The following ASB18 variants were observed in gnomAD, a reference collection of about 807,000 sequenced individuals.
ASB18 encodes ankyrin repeat and SOCS box protein 18.
ASB18 carries 33 observed loss-of-function variants against 33.4 expected under a neutral mutation model. That is an observed-to-expected ratio of 0.99 (90% CI 0.75 to 1.32). The LOEUF is 1.32. Among genes scored for constraint, ASB18 ranks in the 40% most tolerant of loss-of-function variants. The pLI is 0.00. For synonymous variants in ASB18, 295 were observed against 307.6 expected, an observed-to-expected ratio of 0.96 and a Z score of 0.43; for missense variants, 694 against 655.5, an observed-to-expected ratio of 1.06 and a Z score of -0.64.
rs767846332 is a variant in ASB18 at position 236,241,211 on chromosome 2, C to G, written c.328+69G>C. 10 of 1,487,474 alleles carry G rather than the reference C, an allele frequency of 6.7e-6. No individual in the cohort carries two copies. Among genetic ancestry groups the G allele is most frequent in the Non-Finnish European group, 9.3e-6 (10 of 1,073,664 alleles). 92.1% of individuals were successfully genotyped at this position (1,487,474 alleles called of 1,614,324 possible). A position where few individuals can be genotyped will look rare whatever the true frequency, so the allele number is the denominator to read the frequency against. On this transcript the variant is annotated intron_variant, in intron 2 of 5. Coordinates refer to ENST00000409749, the MANE Select transcript of ASB18 (RefSeq NM_212556.4). This position sits in a 1 kb window ranked among gnomAD's most constrained non-coding sequence, Gnocchi z 4.2. ...ACTGTGCCCAGTCTACACACGGGAG[C>G]CTTACACTCCCAGAGAGTATTAGTA... is the stretch of plus-strand genomic sequence containing the variant.
In ASB18 at chr2:236,259,973, C is replaced by A. The variant is rs189604812; in HGVS notation, c.205+4168G>T. Among the ~76,000 whole-genome samples the A allele has an allele frequency of 1.3e-5, 2 of 151,944 alleles. No individual in the cohort carries two copies. The highest frequency in any genetic ancestry group is 4.8e-5 in the African/African-American group (2 of 41,364). ...CATTGGATGCCACTTTTTCTCTATG[C>A]TTTTTTTTGGTGATGTTGACATGGA... On this transcript the variant is annotated intron_variant, in intron 1 of 5. Coordinates refer to ENST00000409749, the MANE Select transcript of ASB18 (RefSeq NM_212556.4). The surrounding 1 kb of genome is among the most constrained non-coding windows in gnomAD (Gnocchi z 4.4).
intron 3 of ASB18, among the ~76,000 whole-genome samples, chr2:236,232,752 C>A (rs1414664202): frequency 6.6e-6 from 1 of 151,994 alleles, no homozygotes; most frequent in African/African-American, 2.4e-5. Context: ...AAGAAATAAT[C>A]TGAGTAGCCC....
In ASB18 at chr2:236,251,976, ATAG is replaced by A. The variant is rs1222736169; in HGVS notation, c.206-10577_206-10575del. ...AGGTACAAGAAGCTTACAGAAATAA[ATAG>A]TAGAAATCTGGCCGGGCATGGTGGC... is the stretch of plus-strand genomic sequence containing the variant. On this transcript the variant is annotated intron_variant, in intron 1 of 5. Coordinates refer to ENST00000409749, the MANE Select transcript of ASB18 (RefSeq NM_212556.4). The surrounding 1 kb of genome is among the most constrained non-coding windows in gnomAD (Gnocchi z 5.3). Among the ~76,000 whole-genome samples, 2 of 152,162 alleles carry A rather than the reference ATAG, an allele frequency of 1.3e-5. No individual in the cohort carries two copies. Among genetic ancestry groups the A allele is most frequent in the Non-Finnish European group, 2.9e-5 (2 of 68,042 alleles).
rs1401330703 is a variant in ASB18, at chr2:236,213,470, T to G, written c.1101+892A>C. Among the ~76,000 whole-genome samples the G allele has an allele frequency of 6.6e-6, 1 of 152,226 alleles. No individual in the cohort carries two copies. Among genetic ancestry groups the G allele is most frequent in the Non-Finnish European group, 1.5e-5 (1 of 68,050 alleles). On this transcript the variant is annotated intron_variant, in intron 4 of 5. Transcript: ENST00000409749. This position sits in a 1 kb window ranked among gnomAD's most constrained non-coding sequence, Gnocchi z 4.8. ...AAATATGTCTTATGTCTATGAGTGA[T>G]GAGTCTTGGTTGATGGAGATAATTT...
intron 1 of ASB18, among the ~76,000 whole-genome samples, chr2:236,261,068 A>G (rs1355911210): frequency 1.3e-5 from 2 of 152,260 alleles, no homozygotes; most frequent in South Asian, 2.1e-4. Context: ...TCTTGTTTCT[A>G]TCTTAGCTGG....
Position 236,209,058 on chromosome 2 carries a change from T to A in ASB18, c.1101+5304A>T, listed in dbSNP as rs542944626. Among the ~76,000 whole-genome samples the A allele has an allele frequency of 6.6e-6, 1 of 152,282 alleles. No homozygotes were observed. The highest frequency in any genetic ancestry group is 1.9e-4 in the East Asian group (1 of 5,176). The stretch of plus-strand genomic sequence containing the variant: ...ACTGGGGACTGGGTGCACGCAACTC[T>A]GTGAAGATGGGAGGGGGAGCCCTGG... On this transcript the variant is annotated intron_variant, in intron 4 of 5. Transcript: ENST00000409749. The surrounding 1 kb of genome is among the most constrained non-coding windows in gnomAD (Gnocchi z 4.4).
chr2:236,212,605 T>A (rs1278714853), intron 4 of ASB18, among the ~76,000 whole-genome samples: 1 of 152,182 alleles, frequency 6.6e-6, no homozygotes, highest in Non-Finnish European at 1.5e-5. Flanking sequence ...TTTTGGCCCA[T>A]CCTGTAACTT....
chr2:236,207,091 G>A (rs74447787), intron 4 of ASB18, among the ~76,000 whole-genome samples: 3,677 of 152,294 alleles, frequency 0.024, 148 homozygotes, highest in African/African-American at 0.079. Flanking sequence ...GGCTGAGTCC[G>A]ACTAGAAGCC....
In ASB18 at chr2:236,253,630, T is replaced by A. The variant is rs1266675736; in HGVS notation, c.205+10511A>T. On this transcript the variant is annotated intron_variant, in intron 1 of 5. Coordinates refer to ENST00000409749, the MANE Select transcript of ASB18 (RefSeq NM_212556.4). The surrounding 1 kb of genome is among the most constrained non-coding windows in gnomAD (Gnocchi z 5.4). ...CTCTAACTCCTGGCCTCAAGTGATC[T>A]TCCCACCTCAGCCTCCCAAAGTGCT... 1.3e-5 allele frequency among the ~76,000 whole-genome samples: 2 copies of A among 151,994 alleles called. No individual in the cohort carries two copies. The highest frequency in any genetic ancestry group is 2.9e-5 in the Non-Finnish European group (2 of 68,000).
chr2:236,247,717 T>C (rs2060651317), intron 1 of ASB18: 1 of 152,250 alleles, frequency 6.6e-6, no homozygotes, highest in African/African-American at 2.4e-5. Flanking sequence ...CTTTAGTACG[T>C]ATCCAATGCA....
Position 236,255,795 on chromosome 2 carries a change from TCTC to T in ASB18, c.205+8343_205+8345del, listed in dbSNP as rs911743936. On this transcript the variant is annotated intron_variant, in intron 1 of 5. Coordinates refer to ENST00000409749, the MANE Select transcript of ASB18 (RefSeq NM_212556.4). This position sits in a 1 kb window ranked among gnomAD's most constrained non-coding sequence, Gnocchi z 4.4. The stretch of plus-strand genomic sequence containing the variant: ...TCTCTTTGCCTGGGGCTTCCTCTCT[TCTC>T]TGATTTACACACCCAAGTCCAAGTT... Among the ~76,000 whole-genome samples, 2 of 152,110 alleles carry T rather than the reference TCTC, an allele frequency of 1.3e-5. No individual in the cohort carries two copies. Among genetic ancestry groups the T allele is most frequent in the Non-Finnish European group, 2.9e-5 (2 of 68,020 alleles).
chr2:236,208,812 C>T lies in ASB18; in HGVS notation c.1101+5550G>A, dbSNP rs539879323. On this transcript the variant is annotated intron_variant, in intron 4 of 5. Coordinates refer to ENST00000409749, the MANE Select transcript of ASB18 (RefSeq NM_212556.4). The surrounding 1 kb of genome is among the most constrained non-coding windows in gnomAD (Gnocchi z 7.7). ...CGCCAACACAGTTTAAAAATCTCCG[C>T]GGCCTCCTTGCTGTCTGCGGAGAGG... Among the ~76,000 whole-genome samples, 27 of 152,322 alleles carry T rather than the reference C, an allele frequency of 1.8e-4. No homozygotes were observed. Among genetic ancestry groups the T allele is most frequent in the African/African-American group, 6.0e-4 (25 of 41,578 alleles).
rs2060513082 is a variant in ASB18, at chr2:236,221,492, T to C, written c.597-6626A>G. On this transcript the variant is annotated intron_variant, in intron 3 of 5. Coordinates refer to ENST00000409749, the MANE Select transcript of ASB18 (RefSeq NM_212556.4). This position sits in a 1 kb window ranked among gnomAD's most constrained non-coding sequence, Gnocchi z 5.6. ...TTCCTTCATACTGTTCTCTTGGTAG[T>C]GAATAAGTCTCATGAGATCTGATGG... 6.6e-6 allele frequency among the ~76,000 whole-genome samples: 1 copy of C among 152,170 alleles called. No homozygotes were observed. Among genetic ancestry groups the C allele is most frequent in the African/African-American group, 2.4e-5 (1 of 41,432 alleles).
In ASB18 at chr2:236,259,648, G is replaced by A. The variant is rs1416960747; in HGVS notation, c.205+4493C>T. The A allele has an allele frequency of 6.4e-6, 3 of 466,286 alleles. No homozygotes were observed. The highest frequency in any genetic ancestry group is 3.1e-5 in the South Asian group (2 of 63,958). 28.9% of individuals were successfully genotyped at this position (466,286 alleles called of 1,614,324 possible). A position where few individuals can be genotyped will look rare whatever the true frequency, so the allele number is the denominator to read the frequency against. On this transcript the variant is annotated intron_variant, in intron 1 of 5. Transcript: ENST00000409749. The surrounding 1 kb of genome is among the most constrained non-coding windows in gnomAD (Gnocchi z 4.4). The stretch of plus-strand genomic sequence containing the variant: ...GGCTGGGAGGATCCTGTTGGGATGG[G>A]GATGCTGACTGTAGAGCGTGGGGGG...
In ASB18 at chr2:236,244,188, A is replaced by G. The variant is rs758339717; in HGVS notation, c.206-2786T>C. 1.4e-4 allele frequency among the ~76,000 whole-genome samples: 22 copies of G among 152,196 alleles called. No individual in the cohort carries two copies. Among genetic ancestry groups the G allele is most frequent in the Admixed American group, 5.9e-4 (9 of 15,284 alleles). ...CCCACCAGGAAGTTGGAATGGGCCAATGATGGTGAGCTACAGAATTCTTTG... is the reference window on the plus strand; with the variant it reads ...CCCACCAGGAAGTTGGAATGGGCCAGTGATGGTGAGCTACAGAATTCTTTG... On this transcript the variant is annotated intron_variant, in intron 1 of 5. Coordinates refer to ENST00000409749, the MANE Select transcript of ASB18 (RefSeq NM_212556.4). This position sits in a 1 kb window ranked among gnomAD's most constrained non-coding sequence, Gnocchi z 6.1.
rs1420641303 is a variant in ASB18 at position 236,209,231 on chromosome 2, G to A, written c.1101+5131C>T. 6.6e-6 allele frequency among the ~76,000 whole-genome samples: 1 copy of A among 151,324 alleles called. No homozygotes were observed. The highest frequency in any genetic ancestry group is 6.6e-5 in the Admixed American group (1 of 15,208). ...TTTTCAGTATGGTTAGTGCCCAGAA[G>A]CTGAGACAAGACCAGAGATTTGCAG... On this transcript the variant is annotated intron_variant, in intron 4 of 5. Transcript: ENST00000409749. The surrounding 1 kb of genome is among the most constrained non-coding windows in gnomAD (Gnocchi z 4.4).
intron 1 of ASB18, chr2:236,247,853 C>T (rs1218992798): frequency 6.6e-6 from 1 of 152,162 alleles, no homozygotes; most frequent in Non-Finnish European, 1.5e-5. Flanking sequence ...AAAGAGACTT[C>T]GGACAGACTC....
In ASB18 at chr2:236,225,228, C is replaced by T. The variant is rs1365622238; in HGVS notation, c.597-10362G>A. On this transcript the variant is annotated intron_variant, in intron 3 of 5. Coordinates refer to ENST00000409749, the MANE Select transcript of ASB18 (RefSeq NM_212556.4). This position sits in a 1 kb window ranked among gnomAD's most constrained non-coding sequence, Gnocchi z 5.1. ...CCTCGACTTCCTGGGCTCAAGTGAT[C>T]CTCCAGACTCAGCCTCCCAAGTAGC... Among the ~76,000 whole-genome samples, 2 of 152,070 alleles carry T rather than the reference C, an allele frequency of 1.3e-5. No individual in the cohort carries two copies. The highest frequency in any genetic ancestry group is 2.4e-5 in the African/African-American group (1 of 41,406).
In ASB18 at chr2:236,250,773, C is replaced by G. The variant is rs1010314099; in HGVS notation, c.206-9371G>C. The G allele has an allele frequency of 1.4e-4, 22 of 152,184 alleles. No homozygotes were observed. Among genetic ancestry groups the G allele is most frequent in the African/African-American group, 5.3e-4 (22 of 41,446 alleles). 9.4% of individuals were successfully genotyped at this position (152,184 alleles called of 1,614,324 possible). ...AAAAATATATTTTAAAAGTAAGAAG[C>G]TGGGCAGGTATATAAAGTTCTGCTT... On this transcript the variant is annotated intron_variant, in intron 1 of 5. Transcript: ENST00000409749. The surrounding 1 kb of genome is among the most constrained non-coding windows in gnomAD (Gnocchi z 4.1).
Sources: allele counts gnomAD v4.1 joint callset (sites outside exome capture counted in the v4.1 genomes callset), GRCh38; gene constraint gnomAD v4.1.1; non-coding constraint Gnocchi (gnomAD v3.1); transcripts MANE v1.5; gene names NCBI Gene and HGNC (gene_info 2026-07-23, HGNC 2026-07-21).